Variants in IFT52 observed in about 807,000 individuals in gnomAD.
IFT52 encodes the protein intraflagellar transport 52.
Under a neutral mutation model 54.4 loss-of-function variants are expected in IFT52, and 44 were observed. The ratio of observed to expected loss-of-function variants is 0.81; its 90% CI spans 0.63 to 1.04. IFT52 has a LOEUF of 1.04. Ranked by LOEUF, IFT52 falls within the 50% of genes least tolerant of loss-of-function variation. IFT52 has a pLI of 0.00. For synonymous variants in IFT52, 181 were observed against 185.3 expected, an observed-to-expected ratio of 0.98 and a Z score of 0.19; for missense variants, 452 against 523.6, an observed-to-expected ratio of 0.86 and a Z score of 1.33.
At chr20:43,614,817 T>C (rs1051858281) in intron 7 of IFT52, among the ~76,000 whole-genome samples, 7 of 150,852 alleles carry the variant, frequency 4.6e-5, no homozygotes, top group Admixed American at 1.3e-4. Flanking sequence ...TTCTTTTTTT[T>C]TTTTTTTTTG....
At chr20:43,614,933 C>T (rs181722731) in intron 7 of IFT52, among the ~76,000 whole-genome samples, 8 of 151,920 alleles carry the variant, frequency 5.3e-5, no homozygotes, top group Middle Eastern at 6.8e-3. Context: ...CTCAGCCTCC[C>T]GAGTAGCTGG....
At chr20:43,619,575 C>T (rs182992372) in intron 8 of IFT52, among the ~76,000 whole-genome samples, 3 of 151,982 alleles carry the variant, frequency 2.0e-5, no homozygotes, top group South Asian at 4.2e-4. Context: ...ACCTGAATTA[C>T]GGGAGTCAAG....
Position 43,647,000 on chromosome 20 carries a change from A to G in IFT52, c.*17A>G, listed in dbSNP as rs752780377. On this transcript the variant is annotated 3_prime_UTR_variant, in exon 14 of 14. Transcript: ENST00000373030. ...AATTTCTGAAGACCATGCCTCTTGAAGCTTTTTCTGCCTCCTGATTCTCTC... is the reference window on the plus strand; with the variant it reads ...AATTTCTGAAGACCATGCCTCTTGAGGCTTTTTCTGCCTCCTGATTCTCTC... 2 of 1,608,132 alleles carry G rather than the reference A, an allele frequency of 1.2e-6. No individual in the cohort carries two copies. Among genetic ancestry groups the G allele is most frequent in the Non-Finnish European group, 1.7e-6 (2 of 1,174,772 alleles).
intron 10 of IFT52, among the ~76,000 whole-genome samples, chr20:43,634,706 T>TC (rs1369788027): frequency 1.3e-5 from 2 of 152,156 alleles, no homozygotes; most frequent in Admixed American, 6.6e-5. Context: ...TAAACTTGTG[T>TC]CATGGGGGTT....
chr20:43,635,460 C>T (rs1311328006), intron 10 of IFT52, among the ~76,000 whole-genome samples: 1 of 152,120 alleles, frequency 6.6e-6, no homozygotes, highest in Non-Finnish European at 1.5e-5. Context: ...CCACACCCGG[C>T]TAATTTTTGT....
At chr20:43,608,964 A>G (rs1295289077) in intron 6 of IFT52, among the ~76,000 whole-genome samples, 1 of 151,842 alleles carries the variant, frequency 6.6e-6, no homozygotes, top group Non-Finnish European at 1.5e-5. Context: ...GGCTGTGTGC[A>G]GTGGCTCACA....
At chr20:43,630,242 T>C (rs1985064993) in intron 10 of IFT52, among the ~76,000 whole-genome samples, 1 of 152,226 alleles carries the variant, frequency 6.6e-6, no homozygotes, top group African/African-American at 2.4e-5. Flanking sequence ...CGCTAGCCAG[T>C]TGCAGTCTGA....
intron 7 of IFT52, among the ~76,000 whole-genome samples, chr20:43,616,926 T>G (rs1400175993): frequency 2.0e-5 from 3 of 152,002 alleles, no homozygotes; most frequent in African/African-American, 7.2e-5. Flanking sequence ...GGCAGGAGGA[T>G]CACTTGAACC....
chr20:43,622,488 A>AT (rs1984377218), intron 9 of IFT52, among the ~76,000 whole-genome samples: 1 of 151,764 alleles, frequency 6.6e-6, no homozygotes, highest in African/African-American at 2.4e-5. Context: ...CTGTAGTCCC[A>AT]GCTACTCGGG....
intron 7 of IFT52, 81 bp from the exon 8 acceptor site, chr20:43,618,859 A>T (rs967562726): frequency 9.0e-6 from 8 of 887,440 alleles, no homozygotes; most frequent in Non-Finnish European, 1.5e-5. Flanking sequence ...TGCTAGCATG[A>T]TTCTAATAAG....
chr20:43,636,842 G>C (rs1432939580), intron 11 of IFT52, among the ~76,000 whole-genome samples: 1 of 152,204 alleles, frequency 6.6e-6, no homozygotes, highest in East Asian at 1.9e-4. Flanking sequence ...GGTAATTAGA[G>C]CTGGTTCTAC....
intron 10 of IFT52, among the ~76,000 whole-genome samples, chr20:43,628,176 G>A (rs763138859): frequency 7.2e-5 from 11 of 151,994 alleles, no homozygotes; most frequent in Admixed American, 5.2e-4. Context: ...TGATCCACCC[G>A]CCTCAGCCTC....
intron 6 of IFT52, among the ~76,000 whole-genome samples, chr20:43,608,656 A>G (rs550481410): frequency 3.3e-4 from 50 of 152,102 alleles, no homozygotes; most frequent in Non-Finnish European, 5.6e-4. Context: ...TATAATCCCA[A>G]CACTTTGGGA....
At position 43,644,522 on chromosome 20, in the gene IFT52, C is replaced by CT. The variant is rs1173060464; in HGVS notation, c.1266+1899dup. Among the ~76,000 whole-genome samples the CT allele has an allele frequency of 8.5e-5, 5 of 58,782 alleles. 2 individuals are homozygous for CT. In the Admixed American group the frequency reaches 9.8e-4, roughly 12 times the overall value. The allele number at this position is 58,782 out of a possible 152,430, so 38.6% of individuals were successfully genotyped here. ...TTTGGCCAGGAATGGTGGCTCACGCCTGTAATCCCAGCACTTTGGGAGGCT... is the reference window on the plus strand; with the variant it reads ...TTTGGCCAGGAATGGTGGCTCACGCCTTGTAATCCCAGCACTTTGGGAGGCT... On this transcript the variant is annotated intron_variant, in intron 13 of 13. Coordinates refer to ENST00000373030, the MANE Select transcript of IFT52 (RefSeq NM_016004.5).
At chr20:43,627,274 A>G (rs73907873) in intron 10 of IFT52, among the ~76,000 whole-genome samples, 1,683 of 152,312 alleles carry the variant, frequency 0.011, 23 homozygotes, top group African/African-American at 0.03. Context: ...TCTGAGAGCC[A>G]AGCAAAGAAA....
intron 10 of IFT52, among the ~76,000 whole-genome samples, chr20:43,628,934 G>GA (rs1984955627): frequency 6.6e-6 from 1 of 152,136 alleles, no homozygotes; most frequent in Non-Finnish European, 1.5e-5. Flanking sequence ...GTGGGAGAGG[G>GA]AGTAGACAAG....
At chr20:43,641,394 A>T (rs1985912314) in intron 12 of IFT52, among the ~76,000 whole-genome samples, 1 of 151,784 alleles carries the variant, frequency 6.6e-6, no homozygotes, top group South Asian at 2.1e-4. Context: ...ATGCACCACC[A>T]CGCCCGGCTA....
At position 43,637,207 on chromosome 20, in the gene IFT52, A is replaced by G; in HGVS notation, c.1074A>G (p.Glu358=). The G allele has an allele frequency of 6.2e-7, 1 of 1,606,220 alleles. No homozygotes were observed. Among genetic ancestry groups the G allele is most frequent in the East Asian group, 2.2e-5 (1 of 44,622 alleles). ...CTCTGGAGCTATTTGATTTAGATGA[A>G]ACGTTCTCCTCTGAGAAGGCACGGC... The part of the protein sequence containing the change: ...PPPLELFDLD[E]TFSSEKARLA... Residue 358 remains glutamate, a synonymous_variant, in exon 12 of 14, where the codon GAA becomes GAG. Coordinates refer to ENST00000373030, the MANE Select transcript of IFT52 (RefSeq NM_016004.5).
chr20:43,627,406 GTCT>G (rs1355156990), intron 10 of IFT52, among the ~76,000 whole-genome samples: 6 of 152,274 alleles, frequency 3.9e-5, no homozygotes, highest in African/African-American at 1.4e-4. Context: ...TCTAGACAGG[GTCT>G]TCTTTATGAC....
Sources: allele counts gnomAD v4.1 joint callset (sites outside exome capture counted in the v4.1 genomes callset), GRCh38; gene constraint gnomAD v4.1.1; transcripts MANE v1.5; gene names NCBI Gene and HGNC (gene_info 2026-07-23, HGNC 2026-07-21).